Variants in DST observed in about 807,000 individuals in gnomAD.
DST encodes dystonin.
A neutral mutation model predicts 875.2 loss-of-function variants in DST; 253 were observed. The observed-to-expected ratio is 0.29, with a 90% confidence interval of 0.26 to 0.32. DST has a LOEUF of 0.32. Ranked by LOEUF, DST falls within the 10% of genes least tolerant of loss-of-function variation. The probability of loss-of-function intolerance (pLI) is 1.00; values close to 1 mark genes in which losing one functional copy is unlikely to be tolerated. For missense variants in DST, 8,287 were observed against 9,111.6 expected (o/e 0.91, Z 3.68); for synonymous variants, 3,124 against 3,197.1 (o/e 0.98, Z 0.77).
intron 36 of DST, chr6:56,615,361 T>C: frequency 6.7e-7 from 1 of 1,484,944 alleles, no homozygotes; most frequent in South Asian, 1.3e-5. Flanking sequence ...ATTTAAAACT[T>C]ACTCTATTTT....
At chr6:56,620,486 G>C (rs1452827220) in intron 36 of DST, 1 of 1,614,084 alleles carries the variant, frequency 6.2e-7, no homozygotes, top group Admixed American at 1.7e-5. Context: ...CTTCTGCAGA[G>C]AGATATCTTC....
intron 4 of DST, among the ~76,000 whole-genome samples, chr6:56,812,054 A>C (rs1255232490): frequency 6.7e-6 from 1 of 149,678 alleles, no homozygotes; most frequent in Non-Finnish European, 1.5e-5. Flanking sequence ...GTGAACTGAG[A>C]TCACACCACT....
intron 55 of DST, 33 bp downstream of exon 55, chr6:56,568,436 A>G (rs761588777): frequency 2.5e-5 from 39 of 1,576,978 alleles, no homozygotes; most frequent in Non-Finnish European, 2.7e-5. Context: ...CCTGATTCTT[A>G]GTTTTTGCCA....
chr6:56,767,658 A>T (rs545072171), intron 4 of DST, among the ~76,000 whole-genome samples: 17 of 151,570 alleles, frequency 1.1e-4, no homozygotes, highest in African/African-American at 3.6e-4. Context: ...AATAAATAAA[A>T]CAAATAAGTA....
rs764909659 is a variant in DST, at chr6:56,631,892, T to C, written c.3954A>G (p.Thr1318=). 6.2e-7 allele frequency: 1 copy of C among 1,613,978 alleles called. No individual in the cohort carries two copies. The highest frequency in any genetic ancestry group is 8.5e-7 in the Non-Finnish European group (1 of 1,179,886). ...DDLHESVFRI[T]EQEKLKKELE... is the part of the protein sequence containing the mutation. ...TATTTATAGCTCTCACCTCCTGTTC[T>C]GTGATTCTGAACACACTTTCATGCA... is the stretch of plus-strand genomic sequence containing the variant. Residue 1318 remains threonine, a synonymous_variant, in exon 29 of 104, where the codon ACA becomes ACG. Coordinates refer to ENST00000680361, the MANE Select transcript of DST (RefSeq NM_001374736.1).
At chr6:56,813,725 G>C (rs2099763450) in intron 4 of DST, among the ~76,000 whole-genome samples, 1 of 152,122 alleles carries the variant, frequency 6.6e-6, no homozygotes. Flanking sequence ...GCAAAGGAGG[G>C]GAAATGAAAA....
intron 4 of DST, among the ~76,000 whole-genome samples, chr6:56,836,749 G>A (rs1325862208): frequency 6.6e-6 from 1 of 150,828 alleles, no homozygotes; most frequent in Non-Finnish European, 1.5e-5. Flanking sequence ...TACTCGGGAG[G>A]CTGAGGCAGG....
chr6:56,521,168 T>C (rs937172134), intron 69 of DST, among the ~76,000 whole-genome samples: 16 of 152,026 alleles, frequency 1.1e-4, no homozygotes, highest in Non-Finnish European at 2.4e-4. Context: ...TGAAAGTTAG[T>C]CTTCTGTGGA....
chr6:56,803,825 T>A (rs940823541), intron 4 of DST, among the ~76,000 whole-genome samples: 3 of 152,206 alleles, frequency 2.0e-5, no homozygotes, highest in Admixed American at 1.3e-4. Flanking sequence ...TGGAAAAATC[T>A]GAAAAGCACA....
intron 2 of DST, among the ~76,000 whole-genome samples, chr6:56,940,667 C>G (rs748437971): frequency 6.6e-6 from 1 of 151,982 alleles, no homozygotes; most frequent in Non-Finnish European, 1.5e-5. Context: ...ACAACCTTGA[C>G]CTCCTGGGCT....
rs1053168882 is a variant in DST at position 56,497,962 on chromosome 6, T to G, written c.19988A>C (p.Glu6663Ala). ...TAGCTTGTTCTGAAGGTTGCTTGCT[T>G]CTTCTCCTGCACTTGATTCAATTAG... Reference protein sequence around the residue: ...NDLIESSAGEEASNLQNKLEV... With the variant: ...NDLIESSAGEAASNLQNKLEV... The change falls in exon 81 of 104, where the codon GAA becomes GCA. Residue 6663 changes from glutamate to alanine, a missense_variant. By Grantham distance (107) the Glu-to-Ala change is moderately radical (BLOSUM62 -1). Coordinates refer to ENST00000680361, the MANE Select transcript of DST (RefSeq NM_001374736.1). The G allele has an allele frequency of 6.2e-7, 1 of 1,613,436 alleles. No individual in the cohort carries two copies. The highest frequency in any genetic ancestry group is 8.5e-7 in the Non-Finnish European group (1 of 1,179,628).
chr6:56,824,618 GC>G (rs1440349908), intron 4 of DST, among the ~76,000 whole-genome samples: 1 of 151,018 alleles, frequency 6.6e-6, no homozygotes, highest in East Asian at 2.0e-4. Flanking sequence ...CTGCCCCGCT[GC>G]CCCGTCTGGG....
At position 56,640,591 on chromosome 6, in the gene DST, C is replaced by T. The variant is rs143101723; in HGVS notation, c.2042G>A (p.Arg681His). ...GTTCCTTAAGGCCATAATTTCGTCA[C>T]GCAGTTTTGCAACCCTGAAAAGAAA... The part of the protein sequence containing the change: ...DQLVQRVAKL[R>H]DEIMALRNEC... The change falls in exon 18 of 104, where the codon CGT becomes CAT. Residue 681 changes from arginine to histidine, a missense_variant. By Grantham distance (29) the Arg-to-His change is conservative. This residue lies in a region of DST where 1,160 missense variants were observed against 1,424.3 expected (regional missense o/e 0.81). Coordinates refer to ENST00000680361, the MANE Select transcript of DST (RefSeq NM_001374736.1). 4.0e-4 allele frequency: 646 copies of T among 1,614,024 alleles called. 2 individuals are homozygous for T. Among genetic ancestry groups the T allele is most frequent in the Admixed American group, 6.8e-4 (41 of 60,002 alleles).
rs752532320 is a variant in DST, at chr6:56,464,730, G to C, written c.22714C>G (p.Arg7572Gly). The change falls in exon 100 of 104, where the codon CGT (arginine) becomes GGT (glycine). Residue 7572 changes from arginine to glycine, a missense_variant. Physicochemically the swap from Arg to Gly is moderately radical, Grantham distance 125 (BLOSUM62 -2). Around this residue, in one of 10 missense-constraint regions of DST, gnomAD observed 64 missense variants for 86.2 expected, o/e 0.74. Transcript: ENST00000680361. ...RVHHHGSKMLRSESNSSITTT... is the reference protein window; with the variant it reads ...RVHHHGSKMLGSESNSSITTT... ...GTAATTGAAGAGTTTGATTCCGAACGTAACATTTTACTCCCATGATGATGA... is the reference window on the plus strand; with the variant it reads ...GTAATTGAAGAGTTTGATTCCGAACCTAACATTTTACTCCCATGATGATGA... 1.3e-6 allele frequency: 2 copies of C among 1,599,312 alleles called. No homozygotes were observed. Among genetic ancestry groups the C allele is most frequent in the African/African-American group, 2.7e-5 (2 of 74,772 alleles).
chr6:56,482,367 A>G (rs1278484295), intron 89 of DST, 189 bp from the exon 90 acceptor site: 5 of 707,286 alleles, frequency 7.1e-6, no homozygotes, highest in Non-Finnish European at 8.2e-6. Flanking sequence ...AATATATTAA[A>G]AAAAAAGCCT....
chr6:56,847,953 T>C (rs1419365676), intron 4 of DST, among the ~76,000 whole-genome samples: 2 of 152,228 alleles, frequency 1.3e-5, no homozygotes, highest in Non-Finnish European at 2.9e-5. Context: ...TTTACATGCA[T>C]AGAATGTGTA....
intron 37 of DST, among the ~76,000 whole-genome samples, chr6:56,611,878 T>A (rs1271665089): frequency 6.6e-6 from 1 of 152,196 alleles, no homozygotes; most frequent in East Asian, 1.9e-4. Context: ...CAGCCGTGGA[T>A]AAAGGTGGCC....
chr6:56,783,456 T>C (rs1160596552), intron 4 of DST, among the ~76,000 whole-genome samples: 5 of 152,192 alleles, frequency 3.3e-5, no homozygotes, highest in Non-Finnish European at 5.9e-5. Context: ...TCTTGTTGAA[T>C]TGATCCCTTT....
intron 9 of DST, among the ~76,000 whole-genome samples, chr6:56,679,206 T>C (rs1352056705): frequency 6.6e-6 from 1 of 152,168 alleles, no homozygotes; most frequent in Non-Finnish European, 1.5e-5. Flanking sequence ...TCCTTGCTAA[T>C]ATCCGTAAGT....
Sources: allele counts gnomAD v4.1 joint callset (sites outside exome capture counted in the v4.1 genomes callset), GRCh38; gene constraint gnomAD v4.1.1; regional missense constraint gnomAD v4.1.1; transcripts MANE v1.5; gene names NCBI Gene and HGNC (gene_info 2026-07-23, HGNC 2026-07-21).